The following DNM3 variants were observed in gnomAD, a reference collection of about 807,000 sequenced individuals.
DNM3 encodes dynamin 3, also known as dynamin-3.
DNM3 carries 47 observed loss-of-function variants against 101.6 expected under a neutral mutation model. The observed-to-expected ratio is 0.46, with a 90% confidence interval of 0.37 to 0.59. The LOEUF (loss-of-function observed/expected upper bound fraction) is 0.59, where lower values mean the gene tolerates loss of function less well. Among genes scored for constraint, DNM3 ranks in the 20% least tolerant of loss-of-function variants. The pLI, the probability that DNM3 is intolerant of heterozygous loss-of-function variation, is 0.00. For missense variants in DNM3, 849 were observed against 1,085.7 expected (o/e 0.78, Z 3.06); for synonymous variants, 385 against 387.9 (o/e 0.99, Z 0.09).
intron 20 of DNM3, among the ~76,000 whole-genome samples, chr1:172,395,716 A>T (rs1006469271): frequency 2.6e-5 from 4 of 152,232 alleles, no homozygotes; most frequent in Non-Finnish European, 5.9e-5. Context: ...CCTTTAGCTT[A>T]CCATTGCCAA....
intron 2 of DNM3, among the ~76,000 whole-genome samples, chr1:171,963,486 C>A (rs915566153): frequency 6.6e-6 from 1 of 151,962 alleles, no homozygotes; most frequent in Non-Finnish European, 1.5e-5. Flanking sequence ...ATATACAACA[C>A]CAAGAGGGAC....
chr1:172,024,495 T>C (rs1399121464), intron 4 of DNM3, among the ~76,000 whole-genome samples: 1 of 152,118 alleles, frequency 6.6e-6, no homozygotes, highest in Non-Finnish European at 1.5e-5. Flanking sequence ...GAATAAAGAG[T>C]AATAATAGTC....
At chr1:172,035,745 G>A (rs941736185) in intron 6 of DNM3, among the ~76,000 whole-genome samples, 3 of 152,096 alleles carry the variant, frequency 2.0e-5, no homozygotes, top group Non-Finnish European at 2.9e-5. Context: ...CTCTTGTGAC[G>A]TTGCTGTCGG....
At chr1:171,893,483 T>C (rs2037482364) in intron 1 of DNM3, among the ~76,000 whole-genome samples, 2 of 151,952 alleles carry the variant, frequency 1.3e-5, no homozygotes. Context: ...AGACAGGGTC[T>C]CACTCTTTCA....
intron 14 of DNM3, among the ~76,000 whole-genome samples, chr1:172,196,882 C>T (rs879118263): frequency 1.3e-5 from 2 of 152,008 alleles, no homozygotes; most frequent in Non-Finnish European, 2.9e-5. Flanking sequence ...TTGATATTTT[C>T]TTTTGCTATG....
chr1:172,049,267 G>C (rs373562931), intron 10 of DNM3, among the ~76,000 whole-genome samples: 1 of 152,106 alleles, frequency 6.6e-6, no homozygotes, highest in African/African-American at 2.4e-5. Context: ...GTGTGACCTT[G>C]GGCTTAACCT....
At chr1:171,849,639 A>G (rs991913636) in intron 1 of DNM3, among the ~76,000 whole-genome samples, 4 of 152,210 alleles carry the variant, frequency 2.6e-5, no homozygotes, top group African/African-American at 9.6e-5. Context: ...CATTCGTTAA[A>G]TGCATTATCA....
At chr1:172,388,874 C>A (rs1314472976) in intron 20 of DNM3, 65 bp downstream of exon 20, 10 of 1,289,344 alleles carry the variant, frequency 7.8e-6, no homozygotes, top group East Asian at 5.1e-5. Flanking sequence ...GAATGACAGA[C>A]AAAATTTATT....
intron 10 of DNM3, among the ~76,000 whole-genome samples, chr1:172,057,238 G>A (rs975633057): frequency 2.6e-5 from 4 of 152,194 alleles, no homozygotes; most frequent in Admixed American, 6.5e-5. Context: ...TGAAAGTGAC[G>A]GGGAGAATGG....
intron 13 of DNM3, among the ~76,000 whole-genome samples, chr1:172,095,122 A>T (rs933537073): frequency 3.3e-5 from 5 of 152,228 alleles, no homozygotes; most frequent in Non-Finnish European, 7.3e-5. Context: ...ATAATGGAAT[A>T]TAGATTCCTT....
rs1221834641 is a variant in DNM3, at chr1:171,994,172, AT to A, written c.589+5031del. ...CCATACTTTCTTTGCATATCTTAAA[AT>A]TTTTTTGTTGAAAATTAGATATTTA... On this transcript the variant is annotated intron_variant, in intron 4 of 20. Transcript: ENST00000627582. Among the ~76,000 whole-genome samples, 5 of 152,154 alleles carry A rather than the reference AT, an allele frequency of 3.3e-5. No homozygotes were observed. In the East Asian group the frequency reaches 7.7e-4, roughly 24 times the overall value.
At chr1:172,356,196 T>G (rs2067444394) in intron 17 of DNM3, among the ~76,000 whole-genome samples, 1 of 152,006 alleles carries the variant, frequency 6.6e-6, no homozygotes. Context: ...AAAATGTACT[T>G]TAGGAAGAAG....
At chr1:172,385,234 A>C (rs2069119177) in intron 18 of DNM3, among the ~76,000 whole-genome samples, 1 of 152,232 alleles carries the variant, frequency 6.6e-6, no homozygotes, top group Non-Finnish European at 1.5e-5. Flanking sequence ...ATAGCCTTCT[A>C]ACAGATTTCT....
chr1:172,163,564 T>C (rs919494018), intron 14 of DNM3, among the ~76,000 whole-genome samples: 2 of 152,158 alleles, frequency 1.3e-5, no homozygotes, highest in Non-Finnish European at 2.9e-5. Context: ...GTCACCATGC[T>C]GTACAGTAGG....
At position 172,409,918 on chromosome 1, in the gene DNM3, C is replaced by A. The variant is rs1375774213; in HGVS notation, c.*2077C>A. On this transcript the variant is annotated 3_prime_UTR_variant, in exon 21 of 21. Coordinates refer to ENST00000627582, the MANE Select transcript of DNM3 (RefSeq NM_015569.5). ...AATAACCACTGGTGTGTTCTTAGAT[C>A]AGCACAAACCATGTCAAAAAAAATT... 1.0e-6 allele frequency: 1 copy of A among 985,506 alleles called. No individual in the cohort carries two copies. The highest frequency in any genetic ancestry group is 6.2e-5 in the Admixed American group (1 of 16,232). The allele number at this position is 985,506 out of a possible 1,614,324, so 61.0% of individuals were successfully genotyped here.
intron 1 of DNM3, among the ~76,000 whole-genome samples, chr1:171,913,011 G>T (rs1345811597): frequency 6.6e-6 from 1 of 152,186 alleles, no homozygotes; most frequent in South Asian, 2.1e-4. Flanking sequence ...CTGACTTAGT[G>T]CATAAGCAAA....
chr1:172,090,819 G>A (rs2053858085), intron 12 of DNM3, among the ~76,000 whole-genome samples: 3 of 152,106 alleles, frequency 2.0e-5, no homozygotes, highest in Admixed American at 2.0e-4. Context: ...ACTTGTTACT[G>A]CAGCACAACA....
At chr1:172,066,581 C>T (rs1179966904) in intron 10 of DNM3, among the ~76,000 whole-genome samples, 3 of 152,110 alleles carry the variant, frequency 2.0e-5, no homozygotes. Context: ...CTCTTAAAAG[C>T]CCCACTTGTC....
chr1:172,374,632 A>G (rs1307313113), intron 17 of DNM3, among the ~76,000 whole-genome samples: 2 of 152,114 alleles, frequency 1.3e-5, no homozygotes, highest in African/African-American at 4.8e-5. Context: ...CATAATGTAA[A>G]GAAAAGGTAA....
Sources: gnomAD v4.1 joint callset for allele counts (sites outside exome capture counted in the v4.1 genomes callset) on GRCh38, gnomAD v4.1.1 for gene constraint, MANE v1.5 for transcripts, NCBI Gene and HGNC (gene_info 2026-07-23, HGNC 2026-07-21) for gene names.